ATRNL1: variants seen among roughly 807,000 people sequenced by gnomAD.
ATRNL1 encodes the protein attractin-like protein 1.
In ATRNL1, 95 loss-of-function variants were observed where a neutral mutation model predicts 182.7. That is an observed-to-expected ratio of 0.52 (90% CI 0.44 to 0.62). The LOEUF (loss-of-function observed/expected upper bound fraction) is 0.62, where lower values mean the gene tolerates loss of function less well. ATRNL1 is among the 20% of genes least tolerant of loss of function. The probability of loss-of-function intolerance (pLI) is 0.00; values close to 1 mark genes in which losing one functional copy is unlikely to be tolerated. For synonymous variants in ATRNL1, 576 were observed against 568.3 expected, an observed-to-expected ratio of 1.01 and a Z score of -0.19; for missense variants, 1,471 against 1,679.5, an observed-to-expected ratio of 0.88 and a Z score of 2.17.
intron 5 of ATRNL1, among the ~76,000 whole-genome samples, chr10:115,138,656 G>C (rs1488207067): frequency 6.6e-6 from 1 of 152,176 alleles, no homozygotes; most frequent in Non-Finnish European, 1.5e-5. Context: ...TACAGAGCAG[G>C]GGGGCCCTGG....
chr10:115,669,421 G>C (rs1945625177), intron 26 of ATRNL1, among the ~76,000 whole-genome samples: 1 of 152,028 alleles, frequency 6.6e-6, no homozygotes, highest in Admixed American at 6.6e-5. Context: ...TTTCATTGCA[G>C]CTATAATAAA....
chr10:115,662,274 C>G (rs1860741741), intron 26 of ATRNL1, among the ~76,000 whole-genome samples: 1 of 152,018 alleles, frequency 6.6e-6, no homozygotes. Flanking sequence ...CCATCTCACA[C>G]CAGTTCGAAT....
intron 26 of ATRNL1, among the ~76,000 whole-genome samples, chr10:115,682,625 T>A (rs1593060555): frequency 6.6e-6 from 1 of 152,048 alleles, no homozygotes; most frequent in Non-Finnish European, 1.5e-5. Flanking sequence ...GTAAACTGTA[T>A]AGAAATGTGC....
At chr10:115,632,490 C>G (rs1385928924) in intron 26 of ATRNL1, among the ~76,000 whole-genome samples, 7 of 151,956 alleles carry the variant, frequency 4.6e-5, no homozygotes, top group African/African-American at 7.3e-5. Flanking sequence ...TTTAAAAATA[C>G]CTGGTTTATA....
intron 26 of ATRNL1, among the ~76,000 whole-genome samples, chr10:115,669,422 C>T (rs1945625274): frequency 6.6e-6 from 1 of 152,046 alleles, no homozygotes; most frequent in Admixed American, 6.6e-5. Context: ...TTCATTGCAG[C>T]TATAATAAAT....
At chr10:115,606,320 G>A (rs1022437607) in intron 26 of ATRNL1, among the ~76,000 whole-genome samples, 9 of 151,940 alleles carry the variant, frequency 5.9e-5, no homozygotes, top group Admixed American at 2.0e-4. Context: ...CTGTTAATGG[G>A]AGCTGCATGC....
At chr10:115,578,433 T>C (rs782396895) in intron 26 of ATRNL1, among the ~76,000 whole-genome samples, 3 of 151,782 alleles carry the variant, frequency 2.0e-5, no homozygotes, top group Non-Finnish European at 4.4e-5. Flanking sequence ...AATCACTTTT[T>C]CTGTCATTGG....
At chr10:115,220,995 A>C (rs77375930) in intron 9 of ATRNL1, among the ~76,000 whole-genome samples, 1,790 of 152,192 alleles carry the variant, frequency 0.012, 34 homozygotes, top group African/African-American at 0.04. Flanking sequence ...AGCCACTCCC[A>C]AGCCCTATCA....
chr10:115,430,592 A>T (rs185166963), intron 21 of ATRNL1, among the ~76,000 whole-genome samples: 3 of 152,198 alleles, frequency 2.0e-5, no homozygotes. Context: ...TATACAGATT[A>T]TTTCATCTCC....
chr10:115,533,607 G>A (rs1851754921), intron 25 of ATRNL1, among the ~76,000 whole-genome samples: 1 of 151,956 alleles, frequency 6.6e-6, no homozygotes, highest in Non-Finnish European at 1.5e-5. Context: ...ATTTCCTTCA[G>A]TTCTGCTTTG....
At chr10:115,900,335 TTAAAG>T (rs1555113348) in intron 28 of ATRNL1, among the ~76,000 whole-genome samples, 1 of 152,122 alleles carries the variant, frequency 6.6e-6, no homozygotes. Flanking sequence ...CTTAATGACT[TTAAAG>T]GAAGAGAAAG....
At position 115,687,349 on chromosome 10, in the gene ATRNL1, A is replaced by T. The variant is rs1001904771; in HGVS notation, c.3796-39899A>T. On this transcript the variant is annotated intron_variant, in intron 26 of 28. Coordinates refer to ENST00000355044, the MANE Select transcript of ATRNL1 (RefSeq NM_207303.4). Reference sequence around the variant, plus strand: ...TTTGGCCATTTTAGATTTATCATATAAGTGGTGCCATGTAGCATTTGCCCT... The same window carrying T: ...TTTGGCCATTTTAGATTTATCATATTAGTGGTGCCATGTAGCATTTGCCCT... 3.3e-5 allele frequency among the ~76,000 whole-genome samples: 5 copies of T among 152,152 alleles called. No individual in the cohort carries two copies. In the East Asian group the frequency reaches 9.7e-4, roughly 29 times the overall value.
intron 21 of ATRNL1, among the ~76,000 whole-genome samples, chr10:115,429,285 G>A (rs546770569): frequency 2.8e-4 from 42 of 152,056 alleles, no homozygotes; most frequent in African/African-American, 9.4e-4. Context: ...TTTGGTGAAC[G>A]CTTACTAAAT....
intron 8 of ATRNL1, among the ~76,000 whole-genome samples, chr10:115,190,783 A>G (rs1245928219): frequency 3.9e-5 from 6 of 152,106 alleles, no homozygotes; most frequent in African/African-American, 1.2e-4. Flanking sequence ...ACAATAAATT[A>G]TTAACTGTAG....
At chr10:115,320,492 A>C (rs1854526006) in intron 18 of ATRNL1, among the ~76,000 whole-genome samples, 1 of 152,120 alleles carries the variant, frequency 6.6e-6, no homozygotes, top group Non-Finnish European at 1.5e-5. Flanking sequence ...TGTATTTTCC[A>C]GCTTGTTTTC....
At position 115,946,736 on chromosome 10, in the gene ATRNL1, T is replaced by C. The variant is rs1395891959; in HGVS notation, c.*1957T>C. 2 of 152,148 alleles carry C rather than the reference T, an allele frequency of 1.3e-5. No individual in the cohort carries two copies. Among genetic ancestry groups the C allele is most frequent in the Non-Finnish European group, 2.9e-5 (2 of 68,004 alleles). 9.4% of individuals were successfully genotyped at this position (152,148 alleles called of 1,614,324 possible). ...TTTTATTAGCTTCTTTTGGACCCTCTAAATATTGACTTCTCTCATGAAAAA... is the reference window on the plus strand; with the variant it reads ...TTTTATTAGCTTCTTTTGGACCCTCCAAATATTGACTTCTCTCATGAAAAA... On this transcript the variant is annotated 3_prime_UTR_variant, in exon 29 of 29. Coordinates refer to ENST00000355044, the MANE Select transcript of ATRNL1 (RefSeq NM_207303.4).
At position 115,745,149 on chromosome 10, in the gene ATRNL1, G is replaced by A. The variant is rs147052937; in HGVS notation, c.3903+17794G>A. On this transcript the variant is annotated intron_variant, in intron 27 of 28. Transcript: ENST00000355044. ...AATGGAACTTTTTTTTTTTGTGACC[G>A]AGTCTCACTCTGTTGCCAGGCTGGA... Among the ~76,000 whole-genome samples the A allele has an allele frequency of 4.6e-3, 685 of 150,542 alleles. 2 individuals are homozygous for A. Among genetic ancestry groups the A allele is most frequent in the African/African-American group, 0.015 (609 of 40,938 alleles).
chr10:115,544,781 A>T (rs144289938), intron 25 of ATRNL1, among the ~76,000 whole-genome samples: 1 of 152,210 alleles, frequency 6.6e-6, no homozygotes, highest in African/African-American at 2.4e-5. Context: ...AGAAATTCAG[A>T]TGATGGAAAT....
rs1849203690 is a variant in ATRNL1 at position 115,215,685 on chromosome 10, T to C, written c.1349-12T>C. 6.4e-7 allele frequency: 1 copy of C among 1,566,326 alleles called. No individual in the cohort carries two copies. The highest frequency in any genetic ancestry group is 1.4e-5 in the African/African-American group (1 of 72,156). On this transcript the variant is annotated splice_polypyrimidine_tract_variant and intron_variant, in intron 8 of 28. Coordinates refer to ENST00000355044, the MANE Select transcript of ATRNL1 (RefSeq NM_207303.4). ...TACTTGAAATTTATAATGTATTTTA[T>C]TTCTGTTACAGCATCAAACACTTGG...
Sources: allele counts gnomAD v4.1 joint callset (sites outside exome capture counted in the v4.1 genomes callset), GRCh38; gene constraint gnomAD v4.1.1; transcripts MANE v1.5; gene names NCBI Gene and HGNC (gene_info 2026-07-23, HGNC 2026-07-21).